Variants in DCLK1 observed in about 807,000 individuals in gnomAD.
DCLK1 encodes doublecortin like kinase 1, also known as serine/threonine-protein kinase DCLK1.
In DCLK1, 16 loss-of-function variants were observed where a neutral mutation model predicts 86.2. The observed-to-expected ratio is 0.19, with a 90% CI of 0.13 to 0.28. The LOEUF (loss-of-function observed/expected upper bound fraction) is 0.28. DCLK1 is among the 10% of genes least tolerant of loss of function. The pLI, the probability that DCLK1 is intolerant of heterozygous loss-of-function variation, is 1.00. For missense variants in DCLK1, 590 were observed against 940.2 expected, an observed-to-expected ratio of 0.63 and a Z score of 4.87; for synonymous variants, 369 against 370.5, an observed-to-expected ratio of 1.00 and a Z score of 0.05.
chr13:35,829,668 G>A (rs769646797), intron 8 of DCLK1, among the ~76,000 whole-genome samples: 5 of 152,070 alleles, frequency 3.3e-5, no homozygotes, highest in Non-Finnish European at 2.9e-5. Flanking sequence ...TCATGGTGCC[G>A]GCCTCAAAAA....
At chr13:35,841,554 C>G (rs1869793749) in intron 6 of DCLK1, among the ~76,000 whole-genome samples, 1 of 151,670 alleles carries the variant, frequency 6.6e-6, no homozygotes, top group African/African-American at 2.4e-5. Flanking sequence ...AGGGTTAAGA[C>G]AAGTTTGCTT....
intron 3 of DCLK1, among the ~76,000 whole-genome samples, chr13:36,069,701 G>A (rs1883894370): frequency 6.6e-6 from 1 of 152,116 alleles, no homozygotes. Context: ...CACAACATCA[G>A]CCTTATTTTT....
intron 4 of DCLK1, among the ~76,000 whole-genome samples, chr13:35,871,905 C>A (rs1017219052): frequency 6.6e-6 from 1 of 152,226 alleles, no homozygotes; most frequent in Non-Finnish European, 1.5e-5. Context: ...GCTGCAAGGG[C>A]ATCCTGCCAG....
In DCLK1 at chr13:36,004,807, G is replaced by A. The variant is rs564919969; in HGVS notation, c.724-57350C>T. On this transcript the variant is annotated intron_variant, in intron 3 of 16. Coordinates refer to ENST00000360631, the MANE Select transcript of DCLK1 (RefSeq NM_001330071.2). The stretch of plus-strand genomic sequence containing the variant: ...TGTCCAGGCTGGTCTCAAACTCTTG[G>A]GCTCAAGCGATCTGCCTGCCTCGGC... Among the ~76,000 whole-genome samples, 586 of 152,148 alleles carry A rather than the reference G, an allele frequency of 3.9e-3. 1 individual carries two copies. The highest frequency in any genetic ancestry group is 6.5e-3 in the Non-Finnish European group (445 of 67,998).
At chr13:35,966,629 C>A (rs921593657) in intron 3 of DCLK1, among the ~76,000 whole-genome samples, 2 of 151,864 alleles carry the variant, frequency 1.3e-5, no homozygotes, top group African/African-American at 4.8e-5. Context: ...CTCAGCCTGC[C>A]GAGTGCCTGG....
chr13:35,840,899 A>G (rs1869747233), intron 6 of DCLK1, among the ~76,000 whole-genome samples: 1 of 152,246 alleles, frequency 6.6e-6, no homozygotes, highest in South Asian at 2.1e-4. Context: ...AGGCAGATTT[A>G]TTATGTCAAT....
chr13:36,112,221 G>A lies in DCLK1; in HGVS notation c.377-6C>T. On this transcript the variant is annotated splice_region_variant and splice_polypyrimidine_tract_variant and intron_variant, in intron 2 of 16. Transcript: ENST00000360631. ...GCCACATACATAACTCTCTCCTAAG[G>A]AAGAGAGAAATATATTTAAATTTAT... 4 of 1,537,908 alleles carry A rather than the reference G, an allele frequency of 2.6e-6. No individual in the cohort carries two copies. Among genetic ancestry groups the A allele is most frequent in the Non-Finnish European group, 3.5e-6 (4 of 1,140,314 alleles).
intron 3 of DCLK1, among the ~76,000 whole-genome samples, chr13:35,953,131 A>T (rs140752591): frequency 1.2e-4 from 18 of 152,356 alleles, no homozygotes; most frequent in African/African-American, 4.1e-4. Flanking sequence ...TTCATCTTCA[A>T]TATACATGAT....
Position 35,842,122 on chromosome 13 carries a change from G to C in DCLK1, c.1036-2946C>G, listed in dbSNP as rs574394533. ...CGGGTGTCTGTAGTCCCAGCTAATC[G>C]GGAGGCTGAGGCAGGAGAATGGCGT... On this transcript the variant is annotated intron_variant, in intron 6 of 16. Coordinates refer to ENST00000360631, the MANE Select transcript of DCLK1 (RefSeq NM_001330071.2). 2.9e-3 allele frequency among the ~76,000 whole-genome samples: 434 copies of C among 151,268 alleles called. 2 individuals are homozygous for C. Among genetic ancestry groups the C allele is most frequent in the African/African-American group, 0.01 (425 of 41,130 alleles).
intron 3 of DCLK1, among the ~76,000 whole-genome samples, chr13:35,948,557 G>T (rs928131446): frequency 6.6e-6 from 1 of 152,156 alleles, no homozygotes; most frequent in Non-Finnish European, 1.5e-5. Flanking sequence ...CACATTACAT[G>T]TGCTGTAAGA....
chr13:35,829,172 G>GC (rs1868747608), intron 8 of DCLK1, among the ~76,000 whole-genome samples: 1 of 152,114 alleles, frequency 6.6e-6, no homozygotes, highest in South Asian at 2.1e-4. Context: ...AGTGAACGCC[G>GC]CCCCTCCTCT....
At chr13:35,845,405 A>AAAACTAT (rs1870105417) in intron 6 of DCLK1, among the ~76,000 whole-genome samples, 1 of 152,208 alleles carries the variant, frequency 6.6e-6, no homozygotes, top group African/African-American at 2.4e-5. Context: ...CTTTATTTTT[A>AAAACTAT]AAACTATATA....
intron 6 of DCLK1, chr13:35,850,788 A>G: frequency 6.3e-7 from 1 of 1,583,540 alleles, no homozygotes; most frequent in Non-Finnish European, 8.6e-7. Context: ...TGCAAGATGA[A>G]GGGCAGTATA....
At chr13:35,891,846 C>A (rs918549182) in intron 4 of DCLK1, among the ~76,000 whole-genome samples, 1 of 152,172 alleles carries the variant, frequency 6.6e-6, no homozygotes, top group Non-Finnish European at 1.5e-5. Flanking sequence ...GTCCTCTTTC[C>A]CTTCTCAAAT....
chr13:36,050,674 G>A (rs1042788784), intron 3 of DCLK1, among the ~76,000 whole-genome samples: 7 of 151,958 alleles, frequency 4.6e-5, no homozygotes, highest in African/African-American at 1.2e-4. Context: ...ACTTAATCTC[G>A]TCCTTCATTA....
At chr13:35,826,267 T>C (rs1003264444) in intron 10 of DCLK1, among the ~76,000 whole-genome samples, 41 of 150,470 alleles carry the variant, frequency 2.7e-4, no homozygotes, top group African/African-American at 9.7e-4. Flanking sequence ...CTCATGCCTG[T>C]AATCCCAGCA....
At chr13:35,805,493 TTTGCCATG>T (rs973727074) in intron 15 of DCLK1, 198 bp downstream of exon 15, 1 of 473,068 alleles carries the variant, frequency 2.1e-6, no homozygotes, top group Admixed American at 3.9e-5. Context: ...GAGATGGGGT[TTTGCCATG>T]TTGCCCAAGC....
intron 3 of DCLK1, among the ~76,000 whole-genome samples, chr13:35,958,370 C>T (rs1366040634): frequency 9.0e-6 from 1 of 111,360 alleles, no homozygotes; most frequent in African/African-American, 3.4e-5. Flanking sequence ...CTGCCGTCAC[C>T]ACTATAACCA....
intron 3 of DCLK1, among the ~76,000 whole-genome samples, chr13:35,976,419 G>T (rs1308263895): frequency 6.6e-6 from 1 of 151,952 alleles, no homozygotes; most frequent in African/African-American, 2.4e-5. Context: ...TTCTGGGCAG[G>T]GATGTTGGTG....
Sources: allele counts gnomAD v4.1 joint callset (sites outside exome capture counted in the v4.1 genomes callset), GRCh38; gene constraint gnomAD v4.1.1; transcripts MANE v1.5; gene names NCBI Gene and HGNC (gene_info 2026-07-23, HGNC 2026-07-21).